Variants in CACNG2 observed in about 807,000 individuals in gnomAD.
CACNG2 encodes the protein voltage-dependent calcium channel gamma-2 subunit.
In CACNG2, 3 loss-of-function variants were observed where a neutral mutation model predicts 25.9. The ratio of observed to expected loss-of-function variants is 0.12; its 90% CI spans 0.05 to 0.30. CACNG2 has a LOEUF of 0.30. Ranked by LOEUF, CACNG2 falls within the 10% of genes least tolerant of loss-of-function variation. CACNG2 has a pLI of 1.00. For synonymous variants in CACNG2, 167 were observed against 173.3 expected (o/e 0.96, Z 0.29); for missense variants, 341 against 432.5 (o/e 0.79, Z 1.88).
intron 1 of CACNG2, among the ~76,000 whole-genome samples, chr22:36,656,634 C>A (rs1442820663): frequency 6.6e-6 from 1 of 152,218 alleles, no homozygotes; most frequent in Non-Finnish European, 1.5e-5. Context: ...CCACGACGCT[C>A]AGAGCAAAAG....
At chr22:36,694,453 G>A (rs927899136) in intron 1 of CACNG2, among the ~76,000 whole-genome samples, 2 of 152,242 alleles carry the variant, frequency 1.3e-5, no homozygotes, top group African/African-American at 2.4e-5. Context: ...TGCATTTCCT[G>A]GCATTGGGGA....
At chr22:36,698,386 T>C (rs1336542444) in intron 1 of CACNG2, among the ~76,000 whole-genome samples, 1 of 152,206 alleles carries the variant, frequency 6.6e-6, no homozygotes, top group Non-Finnish European at 1.5e-5. Context: ...GAAGGCCTGT[T>C]AGTACCTTCC....
chr22:36,670,973 C>T (rs1936941309), intron 1 of CACNG2, among the ~76,000 whole-genome samples: 1 of 150,298 alleles, frequency 6.7e-6, no homozygotes, highest in Non-Finnish European at 1.5e-5. Flanking sequence ...GGCTGGAGTG[C>T]AGTGGCATGA....
At chr22:36,582,563 G>A (rs566981253) in intron 2 of CACNG2, among the ~76,000 whole-genome samples, 2 of 151,734 alleles carry the variant, frequency 1.3e-5, no homozygotes, top group Non-Finnish European at 2.9e-5. Flanking sequence ...GCACCACCAC[G>A]CCTGGCTAAA....
chr22:36,702,343 G>A, intron 1 of CACNG2, 23 bp downstream of exon 1: 1 of 1,533,458 alleles, frequency 6.5e-7, no homozygotes, highest in Non-Finnish European at 9.0e-7. Flanking sequence ...TGGAGAGGGG[G>A]GAGGAGATGG....
intron 1 of CACNG2, among the ~76,000 whole-genome samples, chr22:36,626,161 C>T (rs556284489): frequency 1.3e-5 from 2 of 152,324 alleles, no homozygotes; most frequent in South Asian, 4.1e-4. Flanking sequence ...CTGAGATGAT[C>T]CACGCGCCTG....
chr22:36,665,971 T>C (rs1936869136), intron 1 of CACNG2, among the ~76,000 whole-genome samples: 1 of 152,216 alleles, frequency 6.6e-6, no homozygotes, highest in Non-Finnish European at 1.5e-5. Context: ...GCAACCCGTG[T>C]CTGTCGACGG....
chr22:36,679,211 TTTCTTTCTTTCTTTCTTTCC>T (rs1401593921), intron 1 of CACNG2, among the ~76,000 whole-genome samples: 6 of 133,690 alleles, frequency 4.5e-5, no homozygotes, highest in Non-Finnish European at 8.4e-5. Context: ...TCTTTCTTTC[TTTCTTTCTTTCTTTCTTTCC>T]TTCTTTCTTT....
At chr22:36,594,561 G>A (rs555754349) in intron 1 of CACNG2, among the ~76,000 whole-genome samples, 1 of 152,316 alleles carries the variant, frequency 6.6e-6, no homozygotes, top group South Asian at 2.1e-4. Flanking sequence ...ACAGATGGAA[G>A]GTGTGTCCAG....
intron 2 of CACNG2, among the ~76,000 whole-genome samples, chr22:36,586,755 A>G (rs1302177984): frequency 1.3e-5 from 2 of 152,230 alleles, no homozygotes; most frequent in Non-Finnish European, 2.9e-5. Context: ...CCAGGCCTCA[A>G]GGACTCTCAG....
chr22:36,649,370 C>T (rs1191765689), intron 1 of CACNG2, among the ~76,000 whole-genome samples: 1 of 152,110 alleles, frequency 6.6e-6, no homozygotes, highest in Non-Finnish European at 1.5e-5. Context: ...CGGCTCACTG[C>T]AACCTCCACC....
intron 3 of CACNG2, 84 bp downstream of exon 3, chr22:36,566,267 ATC>A (rs1250285929): frequency 3.1e-5 from 41 of 1,340,498 alleles, no homozygotes; most frequent in Non-Finnish European, 3.5e-5. Flanking sequence ...CTCTCTCCCC[ATC>A]TCTCTCTGCC....
At chr22:36,671,107 C>T (rs564311799) in intron 1 of CACNG2, among the ~76,000 whole-genome samples, 6 of 151,940 alleles carry the variant, frequency 3.9e-5, no homozygotes, top group South Asian at 4.2e-4. Flanking sequence ...TTAGTAGAGA[C>T]GGGTTTTCAC....
chr22:36,625,332 G>C (rs931588246), intron 1 of CACNG2, among the ~76,000 whole-genome samples: 5 of 152,182 alleles, frequency 3.3e-5, no homozygotes, highest in African/African-American at 1.2e-4. Flanking sequence ...GGTTGGATGA[G>C]ATGGCCTTTC....
intron 1 of CACNG2, among the ~76,000 whole-genome samples, chr22:36,610,066 G>A (rs1935913482): frequency 6.6e-6 from 1 of 151,734 alleles, no homozygotes. Flanking sequence ...GCACCCCAGA[G>A]TGTGATTGGG....
chr22:36,685,089 A>G (rs2146007741), intron 1 of CACNG2, among the ~76,000 whole-genome samples: 1 of 152,212 alleles, frequency 6.6e-6, no homozygotes, highest in African/African-American at 2.4e-5. Context: ...CGCTCAGTCC[A>G]CAAATATCCA....
chr22:36,616,166 G>T (rs1444687092), intron 1 of CACNG2, among the ~76,000 whole-genome samples: 1 of 152,184 alleles, frequency 6.6e-6, no homozygotes, highest in African/African-American at 2.4e-5. Flanking sequence ...ATGGAGATAA[G>T]AAAAGAATAA....
intron 1 of CACNG2, among the ~76,000 whole-genome samples, chr22:36,590,453 T>G (rs1935572605): frequency 6.6e-6 from 1 of 152,170 alleles, no homozygotes; most frequent in African/African-American, 2.4e-5. Flanking sequence ...GGTTCCCTTG[T>G]GTAAGCCTGA....
chr22:36,673,694 G>A (rs535194474), intron 1 of CACNG2, among the ~76,000 whole-genome samples: 6 of 152,238 alleles, frequency 3.9e-5, no homozygotes, highest in Admixed American at 2.0e-4. Flanking sequence ...GCAGAGGACC[G>A]CAGGTAGGAG....
Sources: gnomAD v4.1 joint callset for allele counts (sites outside exome capture counted in the v4.1 genomes callset) on GRCh38, gnomAD v4.1.1 for gene constraint, MANE v1.5 for transcripts, NCBI Gene and HGNC (gene_info 2026-07-23, HGNC 2026-07-21) for gene names.